The following MGAM2 variants were observed in gnomAD, a reference collection of about 807,000 sequenced individuals.
MGAM2 encodes the protein maltase-glucoamylase 2 (putative).
Under a neutral mutation model 96.1 loss-of-function variants are expected in MGAM2, and 98 were observed. The observed-to-expected ratio is 1.02, with a 90% CI of 0.87 to 1.21. The LOEUF (loss-of-function observed/expected upper bound fraction) is 1.21. Ranked by LOEUF, MGAM2 falls within the 50% of genes most tolerant of loss-of-function variation. MGAM2 has a pLI of 0.00. For missense variants in MGAM2, 2,055 were observed against 1,182.4 expected (o/e 1.74, Z -10.82); for synonymous variants, 749 against 414.8 (o/e 1.81, Z -9.79).
At chr7:142,216,888 C>G (rs1797777642) in intron 46 of MGAM2, among the ~76,000 whole-genome samples, 1 of 152,142 alleles carries the variant, frequency 6.6e-6, no homozygotes, top group African/African-American at 2.4e-5. Context: ...TGCATGTAAT[C>G]TTCAAAATCT....
At chr7:142,156,732 A>G (rs1006290285) in intron 17 of MGAM2, among the ~76,000 whole-genome samples, 4 of 152,150 alleles carry the variant, frequency 2.6e-5, no homozygotes, top group East Asian at 1.9e-4. Context: ...GAGTCATTCT[A>G]TTTAGAGGGG....
Position 142,114,202 on chromosome 7 carries a change from GAA to G in MGAM2, c.-1+2397_-1+2398del, listed in dbSNP as rs1563242717. On this transcript the variant is annotated intron_variant, in intron 1 of 47. Transcript: ENST00000477922. ...AGAAAGAAAGAAAGAAAGAAAGAAA[GAA>G]AGAAAGAAAGAGAGAAAGAAAGAAA... Among the ~76,000 whole-genome samples, 5 of 140,490 alleles carry G rather than the reference GAA, an allele frequency of 3.6e-5. 1 individual carries two copies. The highest frequency in any genetic ancestry group is 2.0e-4 in the East Asian group (1 of 5,036). 92.2% of individuals were successfully genotyped at this position (140,490 alleles called of 152,430 possible). A position where few individuals can be genotyped will look rare whatever the true frequency, so the allele number is the denominator to read the frequency against.
intron 17 of MGAM2, among the ~76,000 whole-genome samples, chr7:142,155,464 T>C (rs1795708284): frequency 6.6e-6 from 1 of 152,228 alleles, no homozygotes; most frequent in East Asian, 1.9e-4. Context: ...TTTAATAAAG[T>C]AATCTTAAGT....
At chr7:142,115,886 A>G (rs940374134) in intron 1 of MGAM2, among the ~76,000 whole-genome samples, 2 of 152,192 alleles carry the variant, frequency 1.3e-5, no homozygotes, top group African/African-American at 4.8e-5. Flanking sequence ...AAGTCAGACA[A>G]TGAGACAGTA....
In MGAM2 at chr7:142,165,361, A is replaced by C. The variant is rs569398896; in HGVS notation, c.2652+338A>C. Among the ~76,000 whole-genome samples the C allele has an allele frequency of 2.6e-5, 4 of 152,314 alleles. No individual in the cohort carries two copies. The East Asian group carries it at 7.7e-4, about 29-fold the overall frequency. The stretch of plus-strand genomic sequence containing the variant: ...ACACATTGGTCCTCTCATTGAAGGG[A>C]GAATCTCTTTGAGAAACAGTTGATA... On this transcript the variant is annotated intron_variant, in intron 24 of 47. Transcript: ENST00000477922.
At chr7:142,184,013 C>G (rs567823331) in intron 33 of MGAM2, among the ~76,000 whole-genome samples, 1 of 107,174 alleles carries the variant, frequency 9.3e-6, no homozygotes. Flanking sequence ...CACTCTGTTA[C>G]CCAGGCTGGA....
intron 6 of MGAM2, among the ~76,000 whole-genome samples, chr7:142,132,358 A>G (rs917344711): frequency 1.4e-5 from 2 of 144,742 alleles, no homozygotes; most frequent in Non-Finnish European, 3.0e-5. Flanking sequence ...TATAATTTAT[A>G]TAATATATAA....
At chr7:142,159,726 T>G (rs1423317794) in intron 20 of MGAM2, among the ~76,000 whole-genome samples, 1 of 152,200 alleles carries the variant, frequency 6.6e-6, no homozygotes, top group Non-Finnish European at 1.5e-5. Context: ...GGTATTAAGT[T>G]TCAACATATA....
intron 37 of MGAM2, among the ~76,000 whole-genome samples, chr7:142,190,267 CTTTTTTTT>C (rs58228482): frequency 0.047 from 4,924 of 104,296 alleles, 97 homozygotes; most frequent in Middle Eastern, 0.11. Context: ...TACCATTTTA[CTTTTTTTT>C]TTTTTTTTTT....
intron 20 of MGAM2, 114 bp downstream of exon 20, chr7:142,159,457 G>C (rs1795827498): frequency 1.6e-6 from 1 of 631,438 alleles, no homozygotes; most frequent in Non-Finnish European, 2.9e-6. Context: ...ATAGTTAGTT[G>C]ATTGTGGTCC....
Position 142,159,345 on chromosome 7 carries a change from T to A in MGAM2, c.2220+2T>A, listed in dbSNP as rs770443697. ...GCCACCTGGTATGACTATGAGACAGTAAGTAAGGCAGCCCTGGTTGGCTCA... is the reference window on the plus strand; with the variant it reads ...GCCACCTGGTATGACTATGAGACAGAAAGTAAGGCAGCCCTGGTTGGCTCA... On this transcript the variant is annotated splice_donor_variant, in intron 20 of 47. Coordinates refer to ENST00000477922, the MANE Select transcript of MGAM2 (RefSeq NM_001293626.2). LOFTEE classifies it high-confidence loss of function. The A allele has an allele frequency of 5.6e-5, 39 of 702,204 alleles. No individual in the cohort carries two copies. Among genetic ancestry groups the A allele is most frequent in the African/African-American group, 4.9e-4 (28 of 57,198 alleles). The allele number at this position is 702,204 out of a possible 1,614,324, so 43.5% of individuals were successfully genotyped here. A position where few individuals can be genotyped will look rare whatever the true frequency, so the allele number is the denominator to read the frequency against.
At chr7:142,160,609 G>A (rs750842762) in intron 21 of MGAM2, among the ~76,000 whole-genome samples, 11 of 151,470 alleles carry the variant, frequency 7.3e-5, no homozygotes, top group African/African-American at 2.7e-4. Context: ...AGGTTATCAC[G>A]TGGAAGCCAA....
At chr7:142,154,922 A>G in intron 17 of MGAM2, 77 bp downstream of exon 17, 1 of 689,328 alleles carries the variant, frequency 1.5e-6, no homozygotes, top group Non-Finnish European at 2.7e-6. Flanking sequence ...TTTGAGGAAA[A>G]TAGTACTACA....
intron 14 of MGAM2, among the ~76,000 whole-genome samples, chr7:142,146,416 T>C (rs941012552): frequency 6.6e-6 from 1 of 152,154 alleles, no homozygotes; most frequent in Non-Finnish European, 1.5e-5. Context: ...TCTTCCCATC[T>C]TACATTTCAA....
At chr7:142,187,960 C>A in intron 36 of MGAM2, 126 bp downstream of exon 36, 1 of 601,364 alleles carries the variant, frequency 1.7e-6, no homozygotes, top group East Asian at 2.8e-5. Context: ...CATGAAATCC[C>A]AAGTAAGATA....
chr7:142,130,100 T>C (rs1385645492), intron 3 of MGAM2, among the ~76,000 whole-genome samples: 1 of 152,122 alleles, frequency 6.6e-6, no homozygotes, highest in East Asian at 1.9e-4. Flanking sequence ...ATAAGACCTT[T>C]ACAAAATAAA....
chr7:142,114,000 G>T (rs888612611), intron 1 of MGAM2, among the ~76,000 whole-genome samples: 1 of 151,690 alleles, frequency 6.6e-6, no homozygotes, highest in Non-Finnish European at 1.5e-5. Context: ...GCATGATGGC[G>T]GGTGCCTGTA....
chr7:142,112,252 C>T (rs1018106010), intron 1 of MGAM2, among the ~76,000 whole-genome samples: 1 of 152,078 alleles, frequency 6.6e-6, no homozygotes, highest in African/African-American at 2.4e-5. Flanking sequence ...GAATCCCCAT[C>T]CTGTCCTCTG....
chr7:142,136,109 C>T (rs1795053478), intron 7 of MGAM2, among the ~76,000 whole-genome samples: 1 of 152,134 alleles, frequency 6.6e-6, no homozygotes, highest in South Asian at 2.1e-4. Flanking sequence ...TTTGACATCA[C>T]CGCAATAGGA....
Sources: allele counts gnomAD v4.1 joint callset (sites outside exome capture counted in the v4.1 genomes callset), GRCh38; gene constraint gnomAD v4.1.1; transcripts MANE v1.5; gene names NCBI Gene and HGNC (gene_info 2026-07-23, HGNC 2026-07-21).